ARHGEF18: variants seen among roughly 807,000 people sequenced by gnomAD.
ARHGEF18 encodes the protein rho guanine nucleotide exchange factor 18.
Under a neutral mutation model 155.7 loss-of-function variants are expected in ARHGEF18, and 93 were observed. That is an observed-to-expected ratio of 0.60 (90% CI 0.50 to 0.71). ARHGEF18 has a LOEUF of 0.71. Ranked by LOEUF, ARHGEF18 falls within the 30% of genes least tolerant of loss-of-function variation. ARHGEF18 has a pLI of 0.00. For missense variants in ARHGEF18, 1,593 were observed against 1,816.1 expected (o/e 0.88, Z 2.23); for synonymous variants, 742 against 753.1 (o/e 0.99, Z 0.24).
Position 7,395,140 on chromosome 19 carries a change from C to T in ARHGEF18, c.967+11937C>T, listed in dbSNP as rs1971619461. Reference sequence around the variant, plus strand: ...CGCGCGGCTTCCCGCTTCCGGCTCCCAGCTGCTAGCTACTGTGGATCTGGG... The same window carrying T: ...CGCGCGGCTTCCCGCTTCCGGCTCCTAGCTGCTAGCTACTGTGGATCTGGG... On this transcript the variant is annotated intron_variant, in intron 10 of 28. Coordinates refer to ENST00000668164, the MANE Select transcript of ARHGEF18 (RefSeq NM_001367823.1). This position sits in a 1 kb window ranked among gnomAD's most constrained non-coding sequence, Gnocchi z 5.0. 6.1e-6 allele frequency: 6 copies of T among 985,482 alleles called. No individual in the cohort carries two copies. Among genetic ancestry groups the T allele is most frequent in the Non-Finnish European group, 7.2e-6 (6 of 830,040 alleles). The allele number at this position is 985,482 out of a possible 1,614,324, so 61.0% of individuals were successfully genotyped here. A position where few individuals can be genotyped will look rare whatever the true frequency, so the allele number is the denominator to read the frequency against.
At chr19:7,383,227 C>T in intron 10 of ARHGEF18, 24 bp downstream of exon 10, 1 of 1,232,350 alleles carries the variant, frequency 8.1e-7, no homozygotes, top group Non-Finnish European at 1.0e-6. Context: ...CCCAATCCAT[C>T]CTCCTGGAGG....
Position 7,447,594 on chromosome 19 carries a change from T to G in ARHGEF18, c.1737+426T>G, listed in dbSNP as rs1401701855. 2.6e-5 allele frequency among the ~76,000 whole-genome samples: 4 copies of G among 152,256 alleles called. No individual in the cohort carries two copies. In the South Asian group the frequency reaches 8.3e-4, roughly 32 times the overall value. ...TTGTAGAGTCTTGAGACTTGGGAAT[T>G]AAAAGGCATCTGTTATGTAGCAGTG... is the stretch of plus-strand genomic sequence containing the variant. On this transcript the variant is annotated intron_variant, in intron 15 of 28. Coordinates refer to ENST00000668164, the MANE Select transcript of ARHGEF18 (RefSeq NM_001367823.1).
At chr19:7,361,652 C>T (rs893599907) in intron 1 of ARHGEF18, among the ~76,000 whole-genome samples, 4 of 152,210 alleles carry the variant, frequency 2.6e-5, no homozygotes, top group East Asian at 1.9e-4. Flanking sequence ...AATGGATACA[C>T]GAAATGTGGT....
At chr19:7,382,939 C>G in intron 9 of ARHGEF18, 45 bp downstream of exon 9, 2 of 1,232,384 alleles carry the variant, frequency 1.6e-6, no homozygotes, top group Non-Finnish European at 2.0e-6. Context: ...CCTTCCCCAG[C>G]TTGGCTTGCT....
At position 7,378,408 on chromosome 19, in the gene ARHGEF18, G is replaced by A; in HGVS notation, c.556G>A (p.Val186Met). ...GCTTCTTCCAGGCCTGGAACCTCCAGTGCTGGAGTGCATGGAAAAAGACCA... is the reference window on the plus strand; with the variant it reads ...GCTTCTTCCAGGCCTGGAACCTCCAATGCTGGAGTGCATGGAAAAAGACCA... ...TPPVQGLEPP[V>M]LECMEKDHVE... Residue 186 changes from valine to methionine, a missense_variant, in exon 6 of 29, where the codon GTG becomes ATG. Val to Met is a conservative substitution (Grantham distance 21, BLOSUM62 1). Transcript: ENST00000668164. 1 of 1,234,468 alleles carries A rather than the reference G, an allele frequency of 8.1e-7. No individual in the cohort carries two copies. The highest frequency in any genetic ancestry group is 1.0e-6 in the Non-Finnish European group (1 of 988,306). The allele number at this position is 1,234,468 out of a possible 1,614,324, so 76.5% of individuals were successfully genotyped here. A position where few individuals can be genotyped will look rare whatever the true frequency, so the allele number is the denominator to read the frequency against.
At chr19:7,352,884 T>TGGA (rs1969194456) in intron 1 of ARHGEF18, among the ~76,000 whole-genome samples, 1 of 110,930 alleles carries the variant, frequency 9.0e-6, no homozygotes, top group African/African-American at 3.4e-5. Flanking sequence ...TCATCCAAGC[T>TGGA]GGAGTGCAGT....
At chr19:7,422,246 C>T (rs890214319) in intron 10 of ARHGEF18, among the ~76,000 whole-genome samples, 26 of 152,038 alleles carry the variant, frequency 1.7e-4, no homozygotes, top group African/African-American at 5.8e-4. Flanking sequence ...GGAAGAGTGT[C>T]GTAGGGCAGC....
intron 20 of ARHGEF18, among the ~76,000 whole-genome samples, chr19:7,461,158 A>G (rs1976228258): frequency 6.6e-6 from 1 of 151,624 alleles, no homozygotes; most frequent in Non-Finnish European, 1.5e-5. Flanking sequence ...CATGCCTGTA[A>G]TCCCTGCACT....
chr19:7,391,834 C>A (rs1971417757), intron 10 of ARHGEF18, among the ~76,000 whole-genome samples: 1 of 152,056 alleles, frequency 6.6e-6, no homozygotes, highest in Non-Finnish European at 1.5e-5. Context: ...CTGCCACCAC[C>A]ACCGAGAATT....
chr19:7,442,482 G>A (rs755338120), intron 13 of ARHGEF18, among the ~76,000 whole-genome samples: 6 of 152,090 alleles, frequency 3.9e-5, no homozygotes, highest in Non-Finnish European at 8.8e-5. Flanking sequence ...TGACCCGCCC[G>A]CCTGGGCCTC....
intron 10 of ARHGEF18, among the ~76,000 whole-genome samples, chr19:7,408,910 G>GTGA (rs1453473119): frequency 1.3e-5 from 2 of 152,018 alleles, no homozygotes; most frequent in African/African-American, 2.4e-5. Context: ...CACACGCGTG[G>GTGA]TGACTACAGG....
At position 7,383,221 on chromosome 19, in the gene ARHGEF18, AT is replaced by A; in HGVS notation, c.967+19del. ...GAGCTCAGGTAAGTCTGGTGGCCCA[AT>A]CCATCCTCCTGGAGGGCAGCCACTT... On this transcript the variant is annotated intron_variant, in intron 10 of 28. Transcript: ENST00000668164. The A allele has an allele frequency of 8.1e-7, 1 of 1,232,364 alleles. No individual in the cohort carries two copies. The highest frequency in any genetic ancestry group is 1.5e-5 in the African/African-American group (1 of 64,520). 76.3% of individuals were successfully genotyped at this position (1,232,364 alleles called of 1,614,324 possible).
chr19:7,405,011 G>A (rs1029506484), intron 10 of ARHGEF18, among the ~76,000 whole-genome samples: 1 of 152,038 alleles, frequency 6.6e-6, no homozygotes, highest in African/African-American at 2.4e-5. Flanking sequence ...AGGCTGGAGT[G>A]TAATGGCATG....
At chr19:7,427,039 T>G (rs1387610615) in intron 10 of ARHGEF18, among the ~76,000 whole-genome samples, 1 of 152,154 alleles carries the variant, frequency 6.6e-6, no homozygotes, top group African/African-American at 2.4e-5. Context: ...GACCCTGGCC[T>G]CCTTTTTCCC....
chr19:7,466,689 A>G (rs1976627492), intron 23 of ARHGEF18, among the ~76,000 whole-genome samples: 1 of 150,876 alleles, frequency 6.6e-6, no homozygotes, highest in Non-Finnish European at 1.5e-5. Context: ...CTATAATCCC[A>G]ATTACTCGGG....
At chr19:7,451,388 G>C in intron 16 of ARHGEF18, 122 bp downstream of exon 16, 1 of 743,692 alleles carries the variant, frequency 1.3e-6, no homozygotes, top group Non-Finnish European at 2.1e-6. Flanking sequence ...AGTTTGCTGG[G>C]TGCTGGGGTT....
rs573543081 is a variant in ARHGEF18, at chr19:7,462,983, A to C, written c.2635+649A>C. 6.6e-6 allele frequency among the ~76,000 whole-genome samples: 1 copy of C among 151,064 alleles called. No individual in the cohort carries two copies. Among genetic ancestry groups the C allele is most frequent in the Admixed American group, 6.6e-5 (1 of 15,192 alleles). On this transcript the variant is annotated intron_variant, in intron 21 of 28. Coordinates refer to ENST00000668164, the MANE Select transcript of ARHGEF18 (RefSeq NM_001367823.1). The surrounding 1 kb of genome is among the most constrained non-coding windows in gnomAD (Gnocchi z 4.4). ...TGGGTAGCTGGGATTACAGGCACCC[A>C]CCACCACGCCCAGCTAATTTTTGTA...
intron 10 of ARHGEF18, among the ~76,000 whole-genome samples, chr19:7,430,964 C>T (rs764841310): frequency 2.0e-5 from 3 of 151,948 alleles, no homozygotes; most frequent in South Asian, 2.1e-4. Context: ...TCCAGGAGTT[C>T]GAGACCAGCC....
chr19:7,354,951 T>C (rs907560548), intron 1 of ARHGEF18, among the ~76,000 whole-genome samples: 1 of 151,042 alleles, frequency 6.6e-6, no homozygotes, highest in Admixed American at 6.6e-5. Context: ...CACAAATATG[T>C]AGAAACACAG....
Sources: gnomAD v4.1 joint callset for allele counts (sites outside exome capture counted in the v4.1 genomes callset) on GRCh38, gnomAD v4.1.1 for gene constraint, Gnocchi (gnomAD v3.1) non-coding constraint, MANE v1.5 for transcripts, NCBI Gene and HGNC (gene_info 2026-07-23, HGNC 2026-07-21) for gene names.